The following MAP2 variants were observed in gnomAD, a reference collection of about 807,000 sequenced individuals.
The protein encoded by MAP2 is microtubule-associated protein 2.
In MAP2, 14 loss-of-function variants were observed where a neutral mutation model predicts 137.6. That is an observed-to-expected ratio of 0.10 (90% CI 0.07 to 0.16). The LOEUF (loss-of-function observed/expected upper bound fraction) is 0.16. MAP2 is among the 10% of genes least tolerant of loss of function. The pLI is 1.00. For synonymous variants in MAP2, 786 were observed against 782.3 expected, an observed-to-expected ratio of 1.00 and a Z score of -0.08; for missense variants, 2,088 against 2,191.5, an observed-to-expected ratio of 0.95 and a Z score of 0.94.
rs187912213 is a variant in MAP2 at position 209,481,484 on chromosome 2, T to C, written c.-221-26108T>C. Among the ~76,000 whole-genome samples the C allele has an allele frequency of 3.0e-3, 451 of 152,294 alleles. 4 individuals are homozygous for C. The highest frequency in any genetic ancestry group is 2.6e-3 in the Non-Finnish European group (180 of 68,024). On this transcript the variant is annotated intron_variant, in intron 1 of 15. Transcript: ENST00000682079. Reference sequence around the variant, plus strand: ...ACCAAAGTGCCACTCCATCCTAATATGGCCTGAATTCCTAGCTGTCAACCA... The same window carrying C: ...ACCAAAGTGCCACTCCATCCTAATACGGCCTGAATTCCTAGCTGTCAACCA...
At chr2:209,522,356 A>T (rs2063403646) in intron 2 of MAP2, among the ~76,000 whole-genome samples, 1 of 152,142 alleles carries the variant, frequency 6.6e-6, no homozygotes, top group South Asian at 2.1e-4. Flanking sequence ...AGTATCATAG[A>T]TGCAGGAAAA....
At chr2:209,591,404 TGTTC>T (rs2079202461) in intron 3 of MAP2, among the ~76,000 whole-genome samples, 1 of 152,174 alleles carries the variant, frequency 6.6e-6, no homozygotes. Context: ...ATGCCCAAGT[TGTTC>T]GTTTTCTATC....
At chr2:209,519,624 A>C (rs1365518397) in intron 2 of MAP2, among the ~76,000 whole-genome samples, 1 of 152,110 alleles carries the variant, frequency 6.6e-6, no homozygotes, top group Non-Finnish European at 1.5e-5. Flanking sequence ...ACAAAGAAAG[A>C]AATTCTAAAA....
At chr2:209,496,733 T>C (rs1198840659) in intron 1 of MAP2, among the ~76,000 whole-genome samples, 1 of 152,204 alleles carries the variant, frequency 6.6e-6, no homozygotes, top group Non-Finnish European at 1.5e-5. Flanking sequence ...CTGTTTTTCT[T>C]ACACTCTCAA....
chr2:209,628,639 C>G (rs2092665896), intron 4 of MAP2, among the ~76,000 whole-genome samples: 1 of 152,146 alleles, frequency 6.6e-6, no homozygotes, highest in South Asian at 2.1e-4. Flanking sequence ...ATATGACTCT[C>G]CTATGCAGAA....
intron 4 of MAP2, among the ~76,000 whole-genome samples, chr2:209,644,670 CAAAAAAAA>C (rs68166330): frequency 0.018 from 1,222 of 68,596 alleles, 16 homozygotes; most frequent in Admixed American, 0.035. Flanking sequence ...GACCCTGTCT[CAAAAAAAA>C]AAAAAAAAAA....
intron 2 of MAP2, among the ~76,000 whole-genome samples, chr2:209,523,782 C>T (rs2063614158): frequency 6.6e-6 from 1 of 152,054 alleles, no homozygotes; most frequent in Non-Finnish European, 1.5e-5. Context: ...CCAAATTTGT[C>T]TTTTATATAT....
chr2:209,658,651 C>T (rs1218509165), intron 5 of MAP2, among the ~76,000 whole-genome samples: 2 of 151,812 alleles, frequency 1.3e-5, no homozygotes, highest in Admixed American at 6.6e-5. Flanking sequence ...AGATTACAGG[C>T]GCCTGCCACC....
intron 13 of MAP2, 91 bp downstream of exon 13, chr2:209,710,345 C>A: frequency 8.8e-7 from 1 of 1,138,788 alleles, no homozygotes; most frequent in Non-Finnish European, 1.2e-6. Flanking sequence ...AAAAGGGAAG[C>A]AGAGGTGTTA....
chr2:209,514,444 A>G (rs895610434), intron 2 of MAP2, among the ~76,000 whole-genome samples: 3 of 152,078 alleles, frequency 2.0e-5, no homozygotes, highest in Admixed American at 6.6e-5. Flanking sequence ...ATGTTTTCAT[A>G]CAAACCCCAT....
At chr2:209,633,433 C>T (rs1472338542) in intron 4 of MAP2, among the ~76,000 whole-genome samples, 1 of 152,170 alleles carries the variant, frequency 6.6e-6, no homozygotes, top group Non-Finnish European at 1.5e-5. Flanking sequence ...AAAAGTTTCA[C>T]CGCTTCCAAA....
At chr2:209,516,697 G>A (rs1046118267) in intron 2 of MAP2, among the ~76,000 whole-genome samples, 3 of 151,994 alleles carry the variant, frequency 2.0e-5, no homozygotes, top group South Asian at 2.1e-4. Flanking sequence ...ATTTCACTTC[G>A]ACTTTCCATT....
At chr2:209,442,354 G>T (rs1037090260) in intron 1 of MAP2, among the ~76,000 whole-genome samples, 3 of 151,516 alleles carry the variant, frequency 2.0e-5, no homozygotes, top group Admixed American at 6.6e-5. Flanking sequence ...GGGGGGTCTA[G>T]GGGCCCCCAA....
chr2:209,490,339 C>T (rs1011970335), intron 1 of MAP2, among the ~76,000 whole-genome samples: 1 of 151,950 alleles, frequency 6.6e-6, no homozygotes, highest in Non-Finnish European at 1.5e-5. Context: ...AATGTAAAGA[C>T]CATCGACACT....
chr2:209,457,076 T>C (rs896096566), intron 1 of MAP2, among the ~76,000 whole-genome samples: 5 of 152,216 alleles, frequency 3.3e-5, no homozygotes, highest in Non-Finnish European at 5.9e-5. Context: ...TCACAGTTAA[T>C]ATTTAGTTAG....
chr2:209,575,569 G>C (rs954626925), intron 2 of MAP2, among the ~76,000 whole-genome samples: 8 of 147,120 alleles, frequency 5.4e-5, no homozygotes, highest in Non-Finnish European at 1.2e-4. Flanking sequence ...GCAAGGAGTC[G>C]CTTACAAATA....
intron 10 of MAP2, among the ~76,000 whole-genome samples, chr2:209,697,324 A>G (rs1334946057): frequency 6.6e-6 from 1 of 151,862 alleles, no homozygotes; most frequent in African/African-American, 2.4e-5. Flanking sequence ...GGGGATTCCT[A>G]TTTTCATTCT....
At chr2:209,435,470 A>G (rs536568866) in intron 1 of MAP2, among the ~76,000 whole-genome samples, 19 of 151,788 alleles carry the variant, frequency 1.3e-4, no homozygotes, top group African/African-American at 4.1e-4. Context: ...ACAGTGAGCA[A>G]AGCAAACCAG....
At chr2:209,505,745 G>T (rs1029119245) in intron 1 of MAP2, among the ~76,000 whole-genome samples, 19 of 149,170 alleles carry the variant, frequency 1.3e-4, no homozygotes, top group African/African-American at 4.7e-4. Context: ...GCCAAGGTGG[G>T]TGGATTGCTT....
Sources: allele counts gnomAD v4.1 joint callset (sites outside exome capture counted in the v4.1 genomes callset), GRCh38; gene constraint gnomAD v4.1.1; transcripts MANE v1.5; gene names NCBI Gene and HGNC (gene_info 2026-07-23, HGNC 2026-07-21).